FHDC1: variants seen among roughly 807,000 people sequenced by gnomAD.
The protein encoded by FHDC1 is FH2 domain containing 1, also known as FH2 domain-containing protein 1.
In FHDC1, 25 loss-of-function variants were observed where a neutral mutation model predicts 52.6. The ratio of observed to expected loss-of-function variants is 0.48; its 90% CI spans 0.35 to 0.66. The LOEUF is 0.66. Ranked by LOEUF, FHDC1 falls within the 30% of genes least tolerant of loss-of-function variation. The pLI is 0.01. For missense variants in FHDC1, 1,459 were observed against 1,452.8 expected (o/e 1.00, Z -0.07); for synonymous variants, 616 against 581.5 (o/e 1.06, Z -0.85).
At position 152,972,406 on chromosome 4, in the gene FHDC1, A is replaced by G; in HGVS notation, c.1248A>G (p.Glu416=). ...QFAIEKLREL[E]CWKQELQDEA... ...CCATAGAAAAGCTGAGGGAACTGGA[A>G]TGCTGGAAACAAGAGCTCCAGGATG... The change falls in exon 11 of 12, where the codon GAA becomes GAG. Residue 416 remains glutamate, a synonymous_variant. Transcript: ENST00000511601. 3 of 1,604,298 alleles carry G rather than the reference A, an allele frequency of 1.9e-6. No individual in the cohort carries two copies. Among genetic ancestry groups the G allele is most frequent in the Non-Finnish European group, 2.5e-6 (3 of 1,177,764 alleles).
rs185889152 is a variant in FHDC1 at position 152,976,665 on chromosome 4, G to A, written c.3374G>A (p.Arg1125His). Residue 1125 changes from arginine to histidine, a missense_variant, in exon 12 of 12, where the codon CGT becomes CAT. Arg to His is a conservative substitution (Grantham distance 29). Transcript: ENST00000511601. ...GGGGCTGGGGAAAGGGCCTCCCTCC[G>A]TCGGAAGGACTCCAGTCGGACCACG... ...ARGAGERASL[R>H]RKDSSRTTLG... 27 of 1,568,714 alleles carry A rather than the reference G, an allele frequency of 1.7e-5. No homozygotes were observed. In the Admixed American group the frequency reaches 4.5e-4, roughly 26 times the overall value.
chr4:152,973,592 C>T (rs948698046), intron 11 of FHDC1, among the ~76,000 whole-genome samples: 3 of 152,220 alleles, frequency 2.0e-5, no homozygotes, highest in Non-Finnish European at 2.9e-5. Flanking sequence ...GCACCGGCCC[C>T]ACCACCACCA....
At position 152,976,889 on chromosome 4, in the gene FHDC1, C is replaced by A; in HGVS notation, c.*166C>A. On this transcript the variant is annotated 3_prime_UTR_variant, in exon 12 of 12. Transcript: ENST00000511601. ...CACAGTCCAGGAGGCCTGTGGACTG[C>A]AGCCTGCTGTGCTGAGCCCTGCTGC... is the stretch of plus-strand genomic sequence containing the variant. 2 of 854,838 alleles carry A rather than the reference C, an allele frequency of 2.3e-6. No homozygotes were observed. The highest frequency in any genetic ancestry group is 3.4e-6 in the Non-Finnish European group (2 of 593,696). 53.0% of individuals were successfully genotyped at this position (854,838 alleles called of 1,614,324 possible). A position where few individuals can be genotyped will look rare whatever the true frequency, so the allele number is the denominator to read the frequency against.
intron 8 of FHDC1, 32 bp downstream of exon 8, chr4:152,963,162 C>T: frequency 6.4e-7 from 1 of 1,570,366 alleles, no homozygotes; most frequent in Non-Finnish European, 8.8e-7. Context: ...TTAGAGAACG[C>T]ATATGAATAC....
upstream of FHDC1, among the ~76,000 whole-genome samples, chr4:152,931,455 AACACACACACACACACACACACACACAC>A (rs56142204): frequency 2.8e-4 from 36 of 127,282 alleles, 1 homozygote; most frequent in East Asian, 4.6e-3. Flanking sequence ...CAGCCTCTAA[AACACACACACACACACACACACACACAC>A]ACACACACAC....
At chr4:152,946,240 A>G (rs1236261413) in intron 2 of FHDC1, among the ~76,000 whole-genome samples, 1 of 152,232 alleles carries the variant, frequency 6.6e-6, no homozygotes, top group African/African-American at 2.4e-5. Flanking sequence ...CTGAGAGACA[A>G]CATACTAGAA....
rs1484516340 is a variant in FHDC1, at chr4:152,976,530, C to G, written c.3239C>G (p.Pro1080Arg). The G allele has an allele frequency of 6.2e-7, 1 of 1,613,150 alleles. No homozygotes were observed. Among genetic ancestry groups the G allele is most frequent in the Admixed American group, 1.7e-5 (1 of 60,016 alleles). The change falls in exon 12 of 12, where the codon CCC (proline) becomes CGC (arginine). Residue 1080 changes from proline to arginine, a missense_variant. By Grantham distance (103) the Pro-to-Arg change is moderately radical (BLOSUM62 -2). This residue lies in a region of FHDC1 where 939 missense variants were observed against 854.5 expected (regional missense o/e 1.10). Coordinates refer to ENST00000511601, the MANE Select transcript of FHDC1 (RefSeq NM_001371116.1). ...AAAGGGGACCCCGAGGATGCCGCTC[C>G]CAAGGACAGCAGCACTTTGAGGCGA... ...RVKGDPEDAAPKDSSTLRRAS... is the reference protein window; with the variant it reads ...RVKGDPEDAARKDSSTLRRAS...
At chr4:152,959,594 C>T (rs28569814) in intron 4 of FHDC1, among the ~76,000 whole-genome samples, 60,905 of 151,628 alleles carry the variant, frequency 0.4, 12,556 homozygotes, top group South Asian at 0.64. Context: ...GGGGGAGGGG[C>T]TTCCCTATGT....
intron 2 of FHDC1, among the ~76,000 whole-genome samples, chr4:152,950,363 A>T (rs564258485): frequency 1.3e-5 from 2 of 152,332 alleles, no homozygotes; most frequent in East Asian, 3.9e-4. Context: ...CTCCTCAGAC[A>T]CCAGGCAAAT....
Position 152,954,279 on chromosome 4 carries a change from C to A in FHDC1, c.623C>A (p.Thr208Asn). 3.7e-6 allele frequency: 6 copies of A among 1,614,118 alleles called. No individual in the cohort carries two copies. The highest frequency in any genetic ancestry group is 2.2e-5 in the East Asian group (1 of 44,882). ...AAAAGTGAGCATTATGGATCAGAGA[C>A]CTTGCGAGAATTTCTTAAGTTTTTG... ...QGKSEHYGSE[T>N]LREFLKFLPE... Residue 208 changes from threonine (T) to asparagine (N), a missense_variant, in exon 4 of 12, where the codon ACC becomes AAC. Physicochemically the swap from Thr to Asn is moderately conservative, Grantham distance 65 (BLOSUM62 0). Transcript: ENST00000511601.
At chr4:152,922,434 AG>A in the FHDC1 span, among the ~76,000 whole-genome samples, 1 of 152,226 alleles carries the variant, frequency 6.6e-6, no homozygotes, top group Non-Finnish European at 1.5e-5. Flanking sequence ...AGGTACAAGG[AG>A]GAACTGGTAC....
intron 4 of FHDC1, among the ~76,000 whole-genome samples, chr4:152,960,001 C>T (rs1318411684): frequency 1.3e-5 from 2 of 152,186 alleles, no homozygotes; most frequent in African/African-American, 4.8e-5. Flanking sequence ...GATGCGTACT[C>T]ACCTGAAGAC....
At chr4:152,974,565 A>T in intron 11 of FHDC1, 110 bp from the exon 12 acceptor site, 10 of 1,455,208 alleles carry the variant, frequency 6.9e-6, no homozygotes, top group Non-Finnish European at 9.1e-6. Flanking sequence ...CATGACCCTG[A>T]GCTCCCCTCC....
chr4:152,920,648 A>G, the FHDC1 span, among the ~76,000 whole-genome samples: 1 of 152,188 alleles, frequency 6.6e-6, no homozygotes, highest in Admixed American at 6.5e-5. Context: ...AATAAAACTT[A>G]TGGGAGCTAA....
At chr4:152,914,002 C>A in the FHDC1 span, among the ~76,000 whole-genome samples, 5 of 152,046 alleles carry the variant, frequency 3.3e-5, no homozygotes, top group South Asian at 1.0e-3. Context: ...ACAATTTTAA[C>A]CAAATTTAGG....
At chr4:152,915,243 G>T in the FHDC1 span, among the ~76,000 whole-genome samples, 1 of 152,006 alleles carries the variant, frequency 6.6e-6, no homozygotes, top group African/African-American at 2.4e-5. Flanking sequence ...TTTCTTTTTT[G>T]AGACAGAGTC....
intron 4 of FHDC1, among the ~76,000 whole-genome samples, chr4:152,956,039 T>A (rs1740074347): frequency 6.6e-6 from 1 of 152,142 alleles, no homozygotes. Context: ...AGTAGTAGAG[T>A]CTTGAAGTCT....
chr4:152,953,246 A>G (rs1178173159), intron 2 of FHDC1, among the ~76,000 whole-genome samples: 2 of 152,248 alleles, frequency 1.3e-5, no homozygotes, highest in South Asian at 2.1e-4. Context: ...TAAAAGTTAT[A>G]TAATATTAAA....
intron 10 of FHDC1, among the ~76,000 whole-genome samples, chr4:152,970,273 A>G (rs1456587359): frequency 1.3e-5 from 2 of 152,222 alleles, no homozygotes; most frequent in African/African-American, 4.8e-5. Flanking sequence ...CAGGCAAGTT[A>G]GAGATGTAAG....
Sources: allele counts gnomAD v4.1 joint callset (sites outside exome capture counted in the v4.1 genomes callset), GRCh38; gene constraint gnomAD v4.1.1; regional missense constraint gnomAD v4.1.1; transcripts MANE v1.5; gene names NCBI Gene and HGNC (gene_info 2026-07-23, HGNC 2026-07-21).